The following MSRA variants were observed in gnomAD, a reference collection of about 807,000 sequenced individuals.
The protein encoded by MSRA is mitochondrial peptide methionine sulfoxide reductase.
A neutral mutation model predicts 31.3 loss-of-function variants in MSRA; 54 were observed. The observed-to-expected ratio is 1.73, with a 90% CI of 1.39 to 2.17. MSRA has a LOEUF of 2.17. MSRA is among the 30% of genes most tolerant of loss of function. MSRA has a pLI of 0.00. For synonymous variants in MSRA, 169 were observed against 116.5 expected (o/e 1.45, Z -2.90); for missense variants, 507 against 300.9 (o/e 1.69, Z -5.07).
intron 3 of MSRA, among the ~76,000 whole-genome samples, chr8:10,289,043 G>A (rs2129114550): frequency 6.6e-6 from 1 of 151,210 alleles, no homozygotes. Flanking sequence ...TTGAAATGGA[G>A]TCTCGCTCTG....
At chr8:10,237,432 C>G (rs1041561745) in intron 2 of MSRA, among the ~76,000 whole-genome samples, 12 of 152,116 alleles carry the variant, frequency 7.9e-5, no homozygotes, top group African/African-American at 2.4e-4. Flanking sequence ...ACTTGTGTGT[C>G]CAAACCAAAT....
intron 1 of MSRA, among the ~76,000 whole-genome samples, chr8:10,149,628 A>T (rs1418626039): frequency 1.3e-5 from 2 of 151,990 alleles, no homozygotes; most frequent in Non-Finnish European, 2.9e-5. Context: ...TTTTCACTGT[A>T]TTAATTGTGT....
At chr8:10,263,198 T>C (rs557282062) in intron 3 of MSRA, among the ~76,000 whole-genome samples, 11 of 152,360 alleles carry the variant, frequency 7.2e-5, no homozygotes, top group South Asian at 4.1e-4. Flanking sequence ...TCAAAATCTT[T>C]ATTGCTGTCA....
chr8:10,320,129 A>C, intron 5 of MSRA, 140 bp downstream of exon 5: 1 of 581,762 alleles, frequency 1.7e-6, no homozygotes, highest in East Asian at 3.0e-5. Context: ...GTCAGCCTCT[A>C]GGAGTGGAGC....
At chr8:10,161,811 C>G (rs920292020) in intron 1 of MSRA, among the ~76,000 whole-genome samples, 8 of 151,144 alleles carry the variant, frequency 5.3e-5, no homozygotes, top group African/African-American at 2.0e-4. Context: ...GGAGTGGGAC[C>G]TTCGTGAATC....
intron 5 of MSRA, among the ~76,000 whole-genome samples, chr8:10,406,657 C>A (rs1807836042): frequency 6.6e-6 from 1 of 152,212 alleles, no homozygotes. Flanking sequence ...GTTAAACGGA[C>A]AACCTACTTT....
rs116903720 is a variant in MSRA at position 10,279,343 on chromosome 8, A to G, written c.332-22191A>G. Among the ~76,000 whole-genome samples the G allele has an allele frequency of 4.2e-4, 64 of 152,276 alleles. No individual in the cohort carries two copies. In the East Asian group the frequency reaches 0.011, roughly 26 times the overall value. On this transcript the variant is annotated intron_variant, in intron 3 of 5. Transcript: ENST00000317173. ...AAAATAGGGTGGAGTTTGGACATTG[A>G]TTTTAGAAACACATTCTCAGAGTTT...
chr8:10,158,736 A>C (rs1349915063), intron 1 of MSRA, among the ~76,000 whole-genome samples: 1 of 152,150 alleles, frequency 6.6e-6, no homozygotes, highest in Non-Finnish European at 1.5e-5. Flanking sequence ...CCTTTGTCTT[A>C]GATATGTATC....
At chr8:10,198,825 C>T (rs553695835) in intron 1 of MSRA, among the ~76,000 whole-genome samples, 2 of 152,142 alleles carry the variant, frequency 1.3e-5, no homozygotes, top group East Asian at 1.9e-4. Flanking sequence ...ATGGGAGTCT[C>T]GCTATGTTGC....
At position 10,308,857 on chromosome 8, in the gene MSRA, C is replaced by G. The variant is rs963015396; in HGVS notation, c.436+7219C>G. Among the ~76,000 whole-genome samples, 3 of 152,222 alleles carry G rather than the reference C, an allele frequency of 2.0e-5. 1 individual carries two copies. Among genetic ancestry groups the G allele is most frequent in the Non-Finnish European group, 4.4e-5 (3 of 68,036 alleles). On this transcript the variant is annotated intron_variant, in intron 4 of 5. Coordinates refer to ENST00000317173, the MANE Select transcript of MSRA (RefSeq NM_012331.5). ...TTGGAACCTCATTGCTTCTCTTCTG[C>G]TAAGCAAAGTCAGTGATGCCTACTT...
intron 1 of MSRA, among the ~76,000 whole-genome samples, chr8:10,160,493 TA>T (rs897488761): frequency 5.5e-3 from 757 of 138,818 alleles, no homozygotes; most frequent in Admixed American, 5.7e-3. Context: ...AGACTCCATC[TA>T]AAAAAAAAAA....
intron 3 of MSRA, among the ~76,000 whole-genome samples, chr8:10,248,722 T>A (rs1357232157): frequency 6.6e-6 from 1 of 152,208 alleles, no homozygotes; most frequent in East Asian, 1.9e-4. Flanking sequence ...TAACATGGCT[T>A]CTCATAGTAG....
intron 5 of MSRA, among the ~76,000 whole-genome samples, chr8:10,379,269 C>G (rs1678660959): frequency 1.3e-5 from 2 of 151,866 alleles, no homozygotes; most frequent in African/African-American, 4.8e-5. Flanking sequence ...CCTGTAAGCC[C>G]TCAACATGAA....
At chr8:10,418,004 C>T (rs1173599092) in intron 5 of MSRA, among the ~76,000 whole-genome samples, 4 of 152,104 alleles carry the variant, frequency 2.6e-5, no homozygotes, top group Admixed American at 6.5e-5. Context: ...TGCTGGCTCC[C>T]GGACAGCAGC....
chr8:10,352,106 T>C (rs1198700828), intron 5 of MSRA, among the ~76,000 whole-genome samples: 1 of 152,242 alleles, frequency 6.6e-6, no homozygotes, highest in Non-Finnish European at 1.5e-5. Context: ...TAGCTCCTGA[T>C]TGATCATTGG....
intron 3 of MSRA, among the ~76,000 whole-genome samples, chr8:10,252,744 C>T (rs539388891): frequency 1.3e-5 from 2 of 152,170 alleles, no homozygotes; most frequent in African/African-American, 4.8e-5. Context: ...ATATAATAAG[C>T]TGGTACGCAC....
intron 5 of MSRA, among the ~76,000 whole-genome samples, chr8:10,384,551 CTCTT>C (rs1425721849): frequency 6.6e-6 from 1 of 152,186 alleles, no homozygotes; most frequent in African/African-American, 2.4e-5. Flanking sequence ...GGTTTGAAAA[CTCTT>C]TCACCCACAT....
intron 5 of MSRA, 161 bp downstream of exon 5, chr8:10,320,150 A>C: frequency 1.9e-6 from 1 of 518,190 alleles, no homozygotes; most frequent in Non-Finnish European, 3.5e-6. Flanking sequence ...CATTGTGTCT[A>C]ATACGTGTGC....
At chr8:10,330,010 G>T (rs1422788025) in intron 5 of MSRA, among the ~76,000 whole-genome samples, 2 of 62,908 alleles carry the variant, frequency 3.2e-5, no homozygotes, top group Non-Finnish European at 6.7e-5. Flanking sequence ...AAAAAAATGT[G>T]TGTGTGTGTG....
Sources: allele counts gnomAD v4.1 joint callset (sites outside exome capture counted in the v4.1 genomes callset), GRCh38; gene constraint gnomAD v4.1.1; transcripts MANE v1.5; gene names NCBI Gene and HGNC (gene_info 2026-07-23, HGNC 2026-07-21).